The following MAGI2 variants were observed in gnomAD, a reference collection of about 807,000 sequenced individuals.
MAGI2 encodes the protein membrane-associated guanylate kinase, WW and PDZ domain-containing protein 2.
MAGI2 carries 35 observed loss-of-function variants against 133.3 expected under a neutral mutation model. The observed-to-expected ratio is 0.26, with a 90% CI of 0.20 to 0.35. MAGI2 has a LOEUF of 0.35. Ranked by LOEUF, MAGI2 falls within the 10% of genes least tolerant of loss-of-function variation. The pLI, the probability that MAGI2 is intolerant of heterozygous loss-of-function variation, is 1.00. For synonymous variants in MAGI2, 729 were observed against 710.6 expected, an observed-to-expected ratio of 1.03 and a Z score of -0.41; for missense variants, 1,636 against 1,863.4, an observed-to-expected ratio of 0.88 and a Z score of 2.25.
chr7:79,147,400 G>A lies in MAGI2; in HGVS notation c.302-140194C>T, dbSNP rs527406763. Reference sequence around the variant, plus strand: ...CACAAGTCATGCCCACCCTTGGGCCGTAGTGGATCCTCCTCTAGCCTTTAA... The same window carrying A: ...CACAAGTCATGCCCACCCTTGGGCCATAGTGGATCCTCCTCTAGCCTTTAA... On this transcript the variant is annotated intron_variant, in intron 1 of 21. Coordinates refer to ENST00000354212, the MANE Select transcript of MAGI2 (RefSeq NM_012301.4). 6.6e-5 allele frequency among the ~76,000 whole-genome samples: 10 copies of A among 152,254 alleles called. No individual in the cohort carries two copies. The East Asian group carries it at 7.7e-4, about 12-fold the overall frequency.
At chr7:78,215,678 T>A (rs946471597) in intron 10 of MAGI2, among the ~76,000 whole-genome samples, 1 of 152,112 alleles carries the variant, frequency 6.6e-6, no homozygotes, top group African/African-American at 2.4e-5. Flanking sequence ...CAGCAGGAAA[T>A]CATCTTTATT....
rs71095399 is a variant in MAGI2 at position 79,365,867 on chromosome 7, C to CAAAAAAAAAA, written c.301+87143_301+87152dup. ...GGGTAATAGAGTGAGACTCTTGTCT[C>CAAAAAAAAAA]AAAAAAAAAAAAAAAAAAAAAAAGT... On this transcript the variant is annotated intron_variant, in intron 1 of 21. Transcript: ENST00000354212. Among the ~76,000 whole-genome samples, 45 of 48,874 alleles carry CAAAAAAAAAA rather than the reference C, an allele frequency of 9.2e-4. 1 individual carries two copies. Among genetic ancestry groups the CAAAAAAAAAA allele is most frequent in the African/African-American group, 3.3e-3 (44 of 13,404 alleles). 32.1% of individuals were successfully genotyped at this position (48,874 alleles called of 152,430 possible).
chr7:78,512,433 T>C (rs1795682535), intron 4 of MAGI2, among the ~76,000 whole-genome samples: 1 of 152,164 alleles, frequency 6.6e-6, no homozygotes, highest in Admixed American at 6.5e-5. Flanking sequence ...TGAGACAGAG[T>C]CTTGCTCCAT....
chr7:78,148,507 A>G (rs1823540469), intron 16 of MAGI2, among the ~76,000 whole-genome samples: 1 of 152,214 alleles, frequency 6.6e-6, no homozygotes, highest in East Asian at 1.9e-4. Flanking sequence ...AAAGTGAAAA[A>G]GCAGAAGGAG....
intron 3 of MAGI2, among the ~76,000 whole-genome samples, chr7:78,574,242 G>A (rs913090911): frequency 6.6e-6 from 1 of 152,108 alleles, no homozygotes; most frequent in Non-Finnish European, 1.5e-5. Context: ...AGGGTGGAGG[G>A]CGGTGACATT....
intron 2 of MAGI2, among the ~76,000 whole-genome samples, chr7:78,670,406 G>T (rs1462155363): frequency 2.0e-5 from 3 of 152,028 alleles, no homozygotes; most frequent in Non-Finnish European, 2.9e-5. Context: ...AAACCACTGT[G>T]CAATGAAATA....
At chr7:78,685,700 A>C (rs1243488229) in intron 2 of MAGI2, among the ~76,000 whole-genome samples, 1 of 151,956 alleles carries the variant, frequency 6.6e-6, no homozygotes, top group East Asian at 1.9e-4. Context: ...TGTGTTCAAC[A>C]ATACTTGCTA....
At chr7:78,737,122 A>G (rs1118936) in intron 2 of MAGI2, among the ~76,000 whole-genome samples, 74,158 of 152,034 alleles carry the variant, frequency 0.49, 18,543 homozygotes, top group Non-Finnish European at 0.54. Context: ...AGTGATTGTT[A>G]CCAATAAAAT....
chr7:78,623,298 T>A (rs1055967874), intron 3 of MAGI2, among the ~76,000 whole-genome samples: 4 of 141,956 alleles, frequency 2.8e-5, no homozygotes, highest in African/African-American at 1.0e-4. Context: ...ATAAGTGATA[T>A]TTAAATAAGG....
intron 2 of MAGI2, among the ~76,000 whole-genome samples, chr7:78,699,244 G>C (rs1817822862): frequency 6.6e-6 from 1 of 152,058 alleles, no homozygotes; most frequent in Non-Finnish European, 1.5e-5. Flanking sequence ...TGAGTAATTG[G>C]GACTACATGC....
chr7:78,911,780 C>G (rs1798419028), intron 2 of MAGI2, among the ~76,000 whole-genome samples: 1 of 151,968 alleles, frequency 6.6e-6, no homozygotes, highest in South Asian at 2.1e-4. Context: ...GAGTTTATTG[C>G]ACAGATTATT....
intron 2 of MAGI2, among the ~76,000 whole-genome samples, chr7:78,921,930 G>A (rs117400572): frequency 0.029 from 4,448 of 152,050 alleles, 97 homozygotes; most frequent in Non-Finnish European, 0.041. Flanking sequence ...CACTGTGTCC[G>A]GCCCAGATTT....
chr7:78,963,268 G>A (rs1453166539), intron 2 of MAGI2, among the ~76,000 whole-genome samples: 1 of 152,080 alleles, frequency 6.6e-6, no homozygotes, highest in African/African-American at 2.4e-5. Context: ...ATTAAGAAAA[G>A]TTTACAGACC....
chr7:79,190,568 C>T (rs1279312686), intron 1 of MAGI2, among the ~76,000 whole-genome samples: 1 of 151,780 alleles, frequency 6.6e-6, no homozygotes, highest in Middle Eastern at 3.4e-3. Context: ...CCTAGTTTTA[C>T]TTTTTCATTC....
chr7:78,823,731 A>G (rs1426476573), intron 2 of MAGI2, among the ~76,000 whole-genome samples: 1 of 152,208 alleles, frequency 6.6e-6, no homozygotes, highest in Non-Finnish European at 1.5e-5. Context: ...AAAAAGAAAT[A>G]TTTGTTGCTT....
chr7:78,959,240 A>C (rs965389375), intron 2 of MAGI2, among the ~76,000 whole-genome samples: 2 of 152,170 alleles, frequency 1.3e-5, no homozygotes, highest in African/African-American at 4.8e-5. Context: ...ATGCAAAGTT[A>C]GTCAATTCCA....
chr7:78,302,790 C>T (rs1398384955), intron 9 of MAGI2, among the ~76,000 whole-genome samples: 1 of 152,216 alleles, frequency 6.6e-6, no homozygotes, highest in Admixed American at 6.5e-5. Flanking sequence ...CCCCACCAAG[C>T]TATTCCTTTC....
intron 10 of MAGI2, among the ~76,000 whole-genome samples, chr7:78,246,009 G>A (rs1264882537): frequency 4.6e-5 from 7 of 152,098 alleles, no homozygotes; most frequent in Non-Finnish European, 8.8e-5. Flanking sequence ...ATCCCTGAGC[G>A]GAGCTGCTAC....
chr7:78,175,094 T>C (rs552039973), intron 14 of MAGI2, among the ~76,000 whole-genome samples: 1 of 152,282 alleles, frequency 6.6e-6, no homozygotes, highest in African/African-American at 2.4e-5. Flanking sequence ...GTACAGCACT[T>C]TCTTGAGTTC....
Sources: allele counts gnomAD v4.1 joint callset (sites outside exome capture counted in the v4.1 genomes callset), GRCh38; gene constraint gnomAD v4.1.1; transcripts MANE v1.5; gene names NCBI Gene and HGNC (gene_info 2026-07-23, HGNC 2026-07-21).